The following SFTPD variants were observed in gnomAD, a reference collection of about 807,000 sequenced individuals.
SFTPD encodes the protein surfactant protein D, also known as pulmonary surfactant-associated protein D.
Under a neutral mutation model 34.6 loss-of-function variants are expected in SFTPD, and 18 were observed. The observed-to-expected ratio is 0.52, with a 90% CI of 0.36 to 0.77. The LOEUF (loss-of-function observed/expected upper bound fraction) is 0.77. Among genes scored for constraint, SFTPD ranks in the 30% least tolerant of loss-of-function variants. The pLI is 0.00. For missense variants in SFTPD, 433 were observed against 468.9 expected, an observed-to-expected ratio of 0.92 and a Z score of 0.71; for synonymous variants, 155 against 180.9, an observed-to-expected ratio of 0.86 and a Z score of 1.15.
At chr10:79,968,806 T>A (rs749296965) in intron 1 of SFTPD, 1 of 152,200 alleles carries the variant, frequency 6.6e-6, no homozygotes, top group African/African-American at 2.4e-5. Context: ...GTGTAAGCAT[T>A]CCCTTTTCTC....
chr10:79,978,015 G>A (rs941908423), intron 1 of SFTPD, among the ~76,000 whole-genome samples: 4 of 152,208 alleles, frequency 2.6e-5, no homozygotes, highest in Non-Finnish European at 5.9e-5. Flanking sequence ...CTCAAGAACA[G>A]GTGAGCCTAA....
At chr10:79,963,625 T>C (rs1842787279) in intron 1 of SFTPD, among the ~76,000 whole-genome samples, 1 of 152,220 alleles carries the variant, frequency 6.6e-6, no homozygotes, top group African/African-American at 2.4e-5. Context: ...TTTATGACCA[T>C]TTGGATTTTC....
At chr10:79,975,403 C>A (rs1842859022) in intron 1 of SFTPD, among the ~76,000 whole-genome samples, 1 of 152,174 alleles carries the variant, frequency 6.6e-6, no homozygotes, top group South Asian at 2.1e-4. Flanking sequence ...TGGAATGAAC[C>A]AGACCCCACA....
chr10:79,951,157 C>T (rs1212970946), upstream of SFTPD: 1 of 151,962 alleles, frequency 6.6e-6, no homozygotes, highest in Non-Finnish European at 1.5e-5. Context: ...AGCTTCCTTA[C>T]AACTCATATC....
At position 79,942,406 on chromosome 10, in the gene SFTPD, CT is replaced by C; in HGVS notation, c.414del (p.Gly139GlufsTer9). 6.2e-7 allele frequency: 1 copy of C among 1,611,822 alleles called. No individual in the cohort carries two copies. The highest frequency in any genetic ancestry group is 8.5e-7 in the Non-Finnish European group (1 of 1,178,006). On this transcript the variant is annotated frameshift_variant, in exon 4 of 8. Coordinates refer to ENST00000372292, the MANE Select transcript of SFTPD (RefSeq NM_003019.5). LOFTEE classifies it high-confidence loss of function. ...CACCTACCTTTGGGCCCAGCTTCTC[CT>C]TTTGGGCCTGGCTTGCCCTGAGGTC... is the stretch of plus-strand genomic sequence containing the variant. ...NIGPQGKPGPKGEAGPKGEVG... is the reference protein window; with the variant it reads ...NIGPQGKPGPXGEAGPKGEVG...
intron 1 of SFTPD, among the ~76,000 whole-genome samples, chr10:79,960,230 G>T (rs1399053629): frequency 2.1e-5 from 3 of 143,192 alleles, no homozygotes; most frequent in Non-Finnish European, 4.6e-5. Context: ...TTTGAAAACT[G>T]GCACAAGACA....
In SFTPD at chr10:79,958,405, C is replaced by T. The variant is rs539793342; in HGVS notation, c.37-11743G>A. Among the ~76,000 whole-genome samples the T allele has an allele frequency of 8.5e-3, 1,287 of 152,268 alleles. 19 individuals are homozygous for T. Among genetic ancestry groups the T allele is most frequent in the African/African-American group, 0.028 (1,167 of 41,540 alleles). On this transcript the variant is annotated intron_variant, in intron 1 of 5. Transcript: ENST00000444384. Reference sequence around the variant, plus strand: ...ATCAGTGTGCTGTATTCAGGAAACCCATCTCACATGCAAAGACACACATAG... The same window carrying T: ...ATCAGTGTGCTGTATTCAGGAAACCTATCTCACATGCAAAGACACACATAG...
Position 79,941,405 on chromosome 10 carries a change from C to T in SFTPD, c.660G>A (p.Gly220=). 2.5e-6 allele frequency: 4 copies of T among 1,613,968 alleles called. No individual in the cohort carries two copies. Among genetic ancestry groups the T allele is most frequent in the Non-Finnish European group, 3.4e-6 (4 of 1,179,872 alleles). Residue 220 remains glycine, a synonymous_variant, in exon 6 of 8, where the codon GGG becomes GGA. Coordinates refer to ENST00000372292, the MANE Select transcript of SFTPD (RefSeq NM_003019.5). ...CAGGAGCTGCTACCTTACCTGGAAG[C>T]CCACTTTCTCCCTTTGCTCCTTTGT... ...PGDKGAKGES[G]LPDVASLRQQ...
At position 79,941,974 on chromosome 10, in the gene SFTPD, G is replaced by A; in HGVS notation, c.530C>T (p.Pro177Leu). 1.2e-6 allele frequency: 2 copies of A among 1,612,752 alleles called. No individual in the cohort carries two copies. Among genetic ancestry groups the A allele is most frequent in the Non-Finnish European group, 1.7e-6 (2 of 1,178,866 alleles). ...ERGVPGERGV[P>L]GNTGAAGSAG... ...CTCACCTGCTGCCCCTGTGTTTCCA[G>A]GGACTCCACGCTCACCAGGGACACC... The change falls in exon 5 of 8, where the codon CCT becomes CTT. Residue 177 changes from proline to leucine, a missense_variant. Transcript: ENST00000372292.
intron 1 of SFTPD, among the ~76,000 whole-genome samples, chr10:79,977,396 C>T (rs1370589699): frequency 6.6e-6 from 1 of 152,208 alleles, no homozygotes; most frequent in African/African-American, 2.4e-5. Flanking sequence ...GACATTACTT[C>T]TATTAATACT....
At chr10:79,964,662 T>C (rs56163354) in intron 1 of SFTPD, among the ~76,000 whole-genome samples, 22,265 of 152,070 alleles carry the variant, frequency 0.15, 2,067 homozygotes, top group East Asian at 0.41. Context: ...ATCATGGAAA[T>C]CTATCCTCAA....
chr10:79,945,726 G>A (rs1369163800), intron 2 of SFTPD, among the ~76,000 whole-genome samples: 1 of 152,166 alleles, frequency 6.6e-6, no homozygotes, highest in East Asian at 1.9e-4. Flanking sequence ...CTGGGTGGTA[G>A]ATATCATTCC....
At chr10:79,942,362 A>G (rs1198402452) in intron 4 of SFTPD, 26 bp downstream of exon 4, 1 of 1,477,492 alleles carries the variant, frequency 6.8e-7, no homozygotes, top group South Asian at 1.1e-5. Flanking sequence ...TTCCCTTCTC[A>G]GACTGGCCAC....
At chr10:79,982,279 CG>C in intron 1 of SFTPD, 1 of 992,004 alleles carries the variant, frequency 1.0e-6, no homozygotes, top group Non-Finnish European at 1.3e-6. Flanking sequence ...CTCGGGCCAC[CG>C]CGGGGCGGTT....
chr10:79,943,046 C>T (rs533378641), intron 2 of SFTPD, among the ~76,000 whole-genome samples, 167 bp from the exon 3 acceptor site: 1 of 152,240 alleles, frequency 6.6e-6, no homozygotes, highest in South Asian at 2.1e-4. Flanking sequence ...TCAACATCCC[C>T]ATTTTATAGA....
intron 1 of SFTPD, among the ~76,000 whole-genome samples, chr10:79,960,512 G>C (rs1346475016): frequency 6.8e-5 from 10 of 147,208 alleles, no homozygotes; most frequent in Non-Finnish European, 3.0e-5. Flanking sequence ...CAGACAAACA[G>C]AGAGCCAAAT....
At chr10:79,939,823 G>A (rs918478129) in intron 7 of SFTPD, among the ~76,000 whole-genome samples, 6 of 152,154 alleles carry the variant, frequency 3.9e-5, no homozygotes, top group African/African-American at 7.2e-5. Flanking sequence ...AATGAGATGC[G>A]CCTGAACTCA....
intron 7 of SFTPD, among the ~76,000 whole-genome samples, chr10:79,939,615 A>C (rs753609384): frequency 6.6e-5 from 10 of 152,200 alleles, no homozygotes; most frequent in African/African-American, 9.7e-5. Flanking sequence ...CAGTGGGTGC[A>C]TATGGACATG....
chr10:79,970,282 G>C (rs142246199), intron 1 of SFTPD: 1 of 152,286 alleles, frequency 6.6e-6, no homozygotes, highest in East Asian at 1.9e-4. Context: ...CAGCTTTGTA[G>C]TATGTTTTGA....
Sources: allele counts gnomAD v4.1 joint callset (sites outside exome capture counted in the v4.1 genomes callset), GRCh38; gene constraint gnomAD v4.1.1; transcripts MANE v1.5; gene names NCBI Gene and HGNC (gene_info 2026-07-23, HGNC 2026-07-21).